Variants in HMCN1 observed in about 807,000 individuals in gnomAD.
HMCN1 encodes hemicentin 1, also known as hemicentin-1.
A neutral mutation model predicts 625.9 loss-of-function variants in HMCN1; 321 were observed. That is an observed-to-expected ratio of 0.51 (90% CI 0.47 to 0.56). HMCN1 has a LOEUF of 0.56. Among genes scored for constraint, HMCN1 ranks in the 20% least tolerant of loss-of-function variants. The pLI, the probability that HMCN1 is intolerant of heterozygous loss-of-function variation, is 0.00. For synonymous variants in HMCN1, 2,425 were observed against 2,417.6 expected, an observed-to-expected ratio of 1.00 and a Z score of -0.09; for missense variants, 6,588 against 6,887.3, an observed-to-expected ratio of 0.96 and a Z score of 1.54.
chr1:186,045,817 T>C lies in HMCN1; in HGVS notation c.6434T>C (p.Leu2145Pro). The C allele has an allele frequency of 6.2e-7, 1 of 1,613,000 alleles. No individual in the cohort carries two copies. Among genetic ancestry groups the C allele is most frequent in the Non-Finnish European group, 8.5e-7 (1 of 1,179,168 alleles). Residue 2145 changes from leucine to proline, a missense_variant, in exon 41 of 107, where the codon CTG (leucine) becomes CCG (proline). Leu to Pro is a moderately conservative substitution (Grantham distance 98). Around this residue, in one of 3 missense-constraint regions of HMCN1, gnomAD observed 4,628 missense variants for 4,853.1 expected, o/e 0.95. Transcript: ENST00000271588. ...LTWLKDGHPL[L>P]KKPGLSISEN... ...TGGTTAAAAGACGGCCACCCCTTGC[T>C]GAAGAAACCAGGCCTCAGTATATCT...
Position 186,140,662 on chromosome 1 carries a change from A to G in HMCN1, c.13924+2690A>G, listed in dbSNP as rs567081773. Among the ~76,000 whole-genome samples, 121 of 152,162 alleles carry G rather than the reference A, an allele frequency of 8.0e-4. 1 individual carries two copies. Among genetic ancestry groups the G allele is most frequent in the Non-Finnish European group, 4.0e-4 (27 of 68,034 alleles). On this transcript the variant is annotated intron_variant, in intron 89 of 106. Transcript: ENST00000271588. ...TATCAACCTTTCACCCACTAGTTTTAGCATCCATTTCTGATTTCTGCTTGA... is the reference window on the plus strand; with the variant it reads ...TATCAACCTTTCACCCACTAGTTTTGGCATCCATTTCTGATTTCTGCTTGA...
chr1:186,114,210 T>C lies in HMCN1; in HGVS notation c.11276+87T>C, dbSNP rs1661021059. 4 of 1,343,816 alleles carry C rather than the reference T, an allele frequency of 3.0e-6. No homozygotes were observed. In the Admixed American group the frequency reaches 5.2e-5, roughly 18 times the overall value. The allele number at this position is 1,343,816 out of a possible 1,614,324, so 83.2% of individuals were successfully genotyped here. A position where few individuals can be genotyped will look rare whatever the true frequency, so the allele number is the denominator to read the frequency against. ...TTCCTAGTGCACTATTTTGGTCTCA[T>C]TATGTTTAGAATCAGCATTTCATCT... On this transcript the variant is annotated intron_variant, in intron 73 of 106. Transcript: ENST00000271588.
chr1:186,077,225 A>G (rs1221009317), intron 54 of HMCN1, among the ~76,000 whole-genome samples: 3 of 152,176 alleles, frequency 2.0e-5, no homozygotes, highest in Non-Finnish European at 4.4e-5. Context: ...ATAAAAGAGT[A>G]TCCTGAAAAT....
chr1:185,830,268 A>G (rs1244115087), intron 1 of HMCN1, among the ~76,000 whole-genome samples: 1 of 151,974 alleles, frequency 6.6e-6, no homozygotes, highest in Non-Finnish European at 1.5e-5. Flanking sequence ...ATCATGTGTC[A>G]ATTTTGGCTT....
intron 1 of HMCN1, among the ~76,000 whole-genome samples, chr1:185,792,607 T>C (rs1442836831): frequency 6.6e-6 from 1 of 152,202 alleles, no homozygotes; most frequent in Non-Finnish European, 1.5e-5. Context: ...GATTAAGGAA[T>C]AACATTTATC....
intron 4 of HMCN1, among the ~76,000 whole-genome samples, chr1:185,898,494 C>T (rs1050919120): frequency 7.9e-5 from 12 of 151,956 alleles, no homozygotes; most frequent in African/African-American, 2.9e-4. Context: ...AGAAAGATAG[C>T]GATTTTAATA....
Position 186,108,545 on chromosome 1 carries a change from A to G in HMCN1, c.10937A>G (p.Asp3646Gly), listed in dbSNP as rs781349369. ...CAAGTGACATTGGAATGCAAGTCAG[A>G]TGCAGTGCCCCCACCTGTAATTACT... ...NRQVTLECKS[D>G]AVPPPVITWL... is the part of the protein sequence containing the mutation. The change falls in exon 71 of 107, where the codon GAT becomes GGT. Residue 3646 changes from aspartate (D) to glycine (G), a missense_variant. Coordinates refer to ENST00000271588, the MANE Select transcript of HMCN1 (RefSeq NM_031935.3). 1.2e-6 allele frequency: 2 copies of G among 1,614,146 alleles called. No individual in the cohort carries two copies. The highest frequency in any genetic ancestry group is 1.7e-6 in the Non-Finnish European group (2 of 1,180,002).
Position 186,145,884 on chromosome 1 carries a change from A to T in HMCN1, c.14569A>T (p.Thr4857Ser). 6.2e-7 allele frequency: 1 copy of T among 1,614,086 alleles called. No homozygotes were observed. Among genetic ancestry groups the T allele is most frequent in the Non-Finnish European group, 8.5e-7 (1 of 1,179,996 alleles). ...AGGTGGCCGTCCCTGTCCCGGAGAC[A>T]CTACTCAGGTGACCAGGTGCAATGT... ...VKGGRPCPGD[T>S]TQVTRCNVQA... Residue 4857 changes from threonine (T) to serine (S), a missense_variant, in exon 93 of 107, where the codon ACT becomes TCT. Thr to Ser is a moderately conservative substitution (Grantham distance 58). Transcript: ENST00000271588.
intron 90 of HMCN1, 44 bp from the exon 91 acceptor site, chr1:186,144,489 T>G: frequency 6.2e-7 from 1 of 1,613,594 alleles, no homozygotes; most frequent in Non-Finnish European, 8.5e-7. Context: ...AACACGATGG[T>G]TCCTAGGTAG....
At chr1:186,100,792 G>A (rs1231640253) in intron 68 of HMCN1, among the ~76,000 whole-genome samples, 1 of 152,054 alleles carries the variant, frequency 6.6e-6, no homozygotes, top group Non-Finnish European at 1.5e-5. Flanking sequence ...TTGTTGGATT[G>A]GTTCAGCAGT....
At chr1:185,886,847 A>G (rs1007648765) in intron 4 of HMCN1, among the ~76,000 whole-genome samples, 1 of 152,090 alleles carries the variant, frequency 6.6e-6, no homozygotes, top group Non-Finnish European at 1.5e-5. Context: ...CTAAAAACCG[A>G]TTCTACTGCC....
intron 75 of HMCN1, among the ~76,000 whole-genome samples, chr1:186,116,758 T>C (rs543775473): frequency 2.6e-5 from 4 of 152,052 alleles, no homozygotes; most frequent in Non-Finnish European, 4.4e-5. Context: ...CTTCAGACAA[T>C]CCTTCCCACA....
In HMCN1 at chr1:186,189,825, G is replaced by T. The variant is rs370074048; in HGVS notation, c.16855G>T (p.Glu5619Ter). 5.0e-6 allele frequency: 8 copies of T among 1,613,626 alleles called. No homozygotes were observed. Among genetic ancestry groups the T allele is most frequent in the Non-Finnish European group, 6.8e-6 (8 of 1,179,830 alleles). Residue 5619 changes from glutamate to a stop codon, truncating the protein, a stop_gained, in exon 107 of 107, where the codon GAA becomes TAA. Coordinates refer to ENST00000271588, the MANE Select transcript of HMCN1 (RefSeq NM_031935.3). LOFTEE classifies it high-confidence loss of function. Reference sequence around the variant, plus strand: ...ATCCTACAGTGCCAATGGGACCATTGAATATCAGACCACATTCATAGTTTA... The same window carrying T: ...ATCCTACAGTGCCAATGGGACCATTTAATATCAGACCACATTCATAGTTTA... ...ASSYSANGTIEYQTTFIVYIA... is the reference protein window; with the variant it reads ...ASSYSANGTI
chr1:185,995,134 G>C, intron 24 of HMCN1, 47 bp downstream of exon 24: 2 of 1,544,916 alleles, frequency 1.3e-6, no homozygotes, highest in Non-Finnish European at 1.8e-6. Context: ...TGGGGAGTGA[G>C]AGAAAAGCCC....
At chr1:185,798,530 A>G (rs898305749) in intron 1 of HMCN1, among the ~76,000 whole-genome samples, 6 of 152,106 alleles carry the variant, frequency 3.9e-5, no homozygotes, top group African/African-American at 1.4e-4. Flanking sequence ...TGAACATTTT[A>G]CATAATCCCA....
intron 16 of HMCN1, among the ~76,000 whole-genome samples, chr1:185,979,066 T>C (rs144928558): frequency 6.6e-6 from 1 of 152,186 alleles, no homozygotes; most frequent in African/African-American, 2.4e-5. Context: ...TGCTTCAGTG[T>C]TCAGCTCTGT....
chr1:186,066,031 G>T (rs911890001), intron 49 of HMCN1, among the ~76,000 whole-genome samples: 1 of 151,990 alleles, frequency 6.6e-6, no homozygotes, highest in African/African-American at 2.4e-5. Context: ...TATAGTTATT[G>T]GTTATACCAT....
chr1:186,031,895 G>A (rs1026384632), intron 36 of HMCN1, among the ~76,000 whole-genome samples: 1 of 151,738 alleles, frequency 6.6e-6, no homozygotes, highest in Admixed American at 6.6e-5. Context: ...CTTTTCTTTG[G>A]TTCTTTATAG....
Position 186,137,849 on chromosome 1 carries a change from A to G in HMCN1, c.13801A>G (p.Ser4601Gly), listed in dbSNP as rs372829900. ...GAGTCTTTGGGAAGAATGCACAAGG[A>G]GCTGTGGACGCGGCAACCAAACCAG... Reference protein sequence around the residue: ...EWSLWEECTRSCGRGNQTRTR... With the variant: ...EWSLWEECTRGCGRGNQTRTR... The change falls in exon 89 of 107, where the codon AGC becomes GGC. Residue 4601 changes from serine (S) to glycine (G), a missense_variant. Physicochemically the swap from Ser to Gly is moderately conservative, Grantham distance 56. Transcript: ENST00000271588. 3.1e-6 allele frequency: 5 copies of G among 1,613,966 alleles called. No individual in the cohort carries two copies. In the African/African-American group the frequency reaches 6.7e-5, roughly 22 times the overall value.
Sources: gnomAD v4.1 joint callset for allele counts (sites outside exome capture counted in the v4.1 genomes callset) on GRCh38, gnomAD v4.1.1 for gene constraint, gnomAD v4.1.1 regional missense constraint, MANE v1.5 for transcripts, NCBI Gene and HGNC (gene_info 2026-07-23, HGNC 2026-07-21) for gene names.